Variants in CNTNAP2 observed in about 807,000 individuals in gnomAD.
CNTNAP2 encodes contactin-associated protein-like 2.
Under a neutral mutation model 155.2 loss-of-function variants are expected in CNTNAP2, and 98 were observed. That is an observed-to-expected ratio of 0.63 (90% CI 0.54 to 0.75). CNTNAP2 has a LOEUF of 0.75. Ranked by LOEUF, CNTNAP2 falls within the 30% of genes least tolerant of loss-of-function variation. The pLI is 0.00. For missense variants in CNTNAP2, 1,727 were observed against 1,688.1 expected (o/e 1.02, Z -0.40); for synonymous variants, 651 against 631.2 (o/e 1.03, Z -0.47).
chr7:147,824,835 C>CT (rs1798422610), intron 13 of CNTNAP2, among the ~76,000 whole-genome samples: 1 of 151,986 alleles, frequency 6.6e-6, no homozygotes, highest in South Asian at 2.1e-4. Flanking sequence ...GAGTAGTTGT[C>CT]TGGGGGACAC....
At chr7:148,316,927 A>T (rs1797700191) in intron 21 of CNTNAP2, among the ~76,000 whole-genome samples, 1 of 152,250 alleles carries the variant, frequency 6.6e-6, no homozygotes, top group African/African-American at 2.4e-5. Context: ...TATCTGGAAT[A>T]GTTCAGCCTC....
intron 1 of CNTNAP2, among the ~76,000 whole-genome samples, chr7:146,484,998 A>G (rs1797033017): frequency 6.6e-6 from 1 of 151,476 alleles, no homozygotes; most frequent in Non-Finnish European, 1.5e-5. Flanking sequence ...ATAGCATTAT[A>G]ATAATGTGTG....
Position 147,153,920 on chromosome 7 carries a change from A to G in CNTNAP2, c.1348+21411A>G, listed in dbSNP as rs181170491. On this transcript the variant is annotated intron_variant, in intron 8 of 23. Coordinates refer to ENST00000361727, the MANE Select transcript of CNTNAP2 (RefSeq NM_014141.6). ...TAGAAGAAGAGTTGAAGTGCTGAGA[A>G]GTGGTTGGATTTGGAGTATAAGTTG... Among the ~76,000 whole-genome samples, 237 of 152,256 alleles carry G rather than the reference A, an allele frequency of 1.6e-3. 3 individuals are homozygous for G. The highest frequency in any genetic ancestry group is 0.013 in the South Asian group (61 of 4,828).
chr7:148,133,836 A>G (rs1804882878), intron 16 of CNTNAP2: 1 of 152,166 alleles, frequency 6.6e-6, no homozygotes, highest in Non-Finnish European at 1.5e-5. Flanking sequence ...TGACACCAAA[A>G]AGGAGTAAAC....
At chr7:146,933,097 C>A (rs1322916903) in intron 3 of CNTNAP2, among the ~76,000 whole-genome samples, 1 of 152,042 alleles carries the variant, frequency 6.6e-6, no homozygotes, top group African/African-American at 2.4e-5. Context: ...CTTTAAAGTT[C>A]ATATGGCACC....
intron 1 of CNTNAP2, among the ~76,000 whole-genome samples, chr7:146,167,781 A>G (rs902742975): frequency 1.4e-4 from 22 of 152,172 alleles, no homozygotes; most frequent in African/African-American, 5.1e-4. Flanking sequence ...AGGAGAGTCT[A>G]TTGAATATTG....
Position 148,417,385 on chromosome 7 carries a change from A to G in CNTNAP2, c.*1769A>G, listed in dbSNP as rs1187279794. On this transcript the variant is annotated 3_prime_UTR_variant, in exon 24 of 24. Transcript: ENST00000361727. ...CACATTCCAAAGGAGACATTGGACC[A>G]GTTAATTCCCATACAAGTCAAGGTA... The G allele has an allele frequency of 6.5e-6, 1 of 152,674 alleles. No homozygotes were observed. Among genetic ancestry groups the G allele is most frequent in the African/African-American group, 2.4e-5 (1 of 41,464 alleles). 9.5% of individuals were successfully genotyped at this position (152,674 alleles called of 1,614,324 possible). A position where few individuals can be genotyped will look rare whatever the true frequency, so the allele number is the denominator to read the frequency against.
intron 3 of CNTNAP2, among the ~76,000 whole-genome samples, chr7:146,924,505 G>A (rs2129220883): frequency 6.6e-6 from 1 of 152,210 alleles, no homozygotes; most frequent in East Asian, 1.9e-4. Flanking sequence ...TCAGCAGCCA[G>A]AGTTCACTTT....
At chr7:146,846,117 C>A (rs984977908) in intron 3 of CNTNAP2, among the ~76,000 whole-genome samples, 1 of 152,188 alleles carries the variant, frequency 6.6e-6, no homozygotes, top group Non-Finnish European at 1.5e-5. Context: ...GACAACCATC[C>A]TGTCGCCTGC....
intron 18 of CNTNAP2, among the ~76,000 whole-genome samples, chr7:148,185,916 C>T (rs912963491): frequency 6.6e-6 from 1 of 152,200 alleles, no homozygotes; most frequent in African/African-American, 2.4e-5. Flanking sequence ...TCTTCTGTGG[C>T]CTCATACAAC....
chr7:147,114,534 T>C lies in CNTNAP2; in HGVS notation c.754+6184T>C, dbSNP rs1055511332. ...ATATATTTATGATAGTTAACTCTTC[T>C]TGTTGAATTTAGCCTTTTACCATTA... is the stretch of plus-strand genomic sequence containing the variant. On this transcript the variant is annotated intron_variant, in intron 5 of 23. Transcript: ENST00000361727. Among the ~76,000 whole-genome samples, 107 of 152,370 alleles carry C rather than the reference T, an allele frequency of 7.0e-4. 1 individual carries two copies. Among genetic ancestry groups the C allele is most frequent in the African/African-American group, 2.5e-3 (103 of 41,596 alleles).
chr7:146,475,845 G>A (rs1796869290), intron 1 of CNTNAP2, among the ~76,000 whole-genome samples: 1 of 152,116 alleles, frequency 6.6e-6, no homozygotes, highest in African/African-American at 2.4e-5. Flanking sequence ...TGGAGCTAAT[G>A]ATGTTGTCAC....
intron 1 of CNTNAP2, among the ~76,000 whole-genome samples, chr7:146,490,591 A>T (rs1797124116): frequency 6.6e-6 from 1 of 152,236 alleles, no homozygotes; most frequent in South Asian, 2.1e-4. Context: ...TTATTTATGG[A>T]GTACCTGCTA....
At chr7:148,058,941 C>A (rs1297628423) in intron 15 of CNTNAP2, among the ~76,000 whole-genome samples, 1 of 151,998 alleles carries the variant, frequency 6.6e-6, no homozygotes, top group African/African-American at 2.4e-5. Flanking sequence ...TGTTCTGTTT[C>A]TTGATGTGGA....
At chr7:146,978,031 A>T (rs1209886626) in intron 3 of CNTNAP2, among the ~76,000 whole-genome samples, 1 of 152,214 alleles carries the variant, frequency 6.6e-6, no homozygotes, top group Non-Finnish European at 1.5e-5. Context: ...GCAGTGAAGC[A>T]AAAAGCACAT....
chr7:146,721,017 A>ATCTAT (rs1801285925), intron 1 of CNTNAP2, among the ~76,000 whole-genome samples: 1 of 107,710 alleles, frequency 9.3e-6, no homozygotes, highest in African/African-American at 7.6e-5. Context: ...TATATACTCT[A>ATCTAT]TATATTATAT....
chr7:146,613,384 C>T (rs1476067518), intron 1 of CNTNAP2, among the ~76,000 whole-genome samples: 1 of 152,110 alleles, frequency 6.6e-6, no homozygotes, highest in Non-Finnish European at 1.5e-5. Context: ...ATGATTTATT[C>T]ATCATACATA....
chr7:148,319,980 C>A (rs1389508291), intron 21 of CNTNAP2, among the ~76,000 whole-genome samples: 1 of 152,096 alleles, frequency 6.6e-6, no homozygotes, highest in Admixed American at 6.6e-5. Flanking sequence ...GTCCCTGGTG[C>A]CAAAAAGATT....
In CNTNAP2 at chr7:147,562,167, A is replaced by G; in HGVS notation, c.1807A>G (p.Lys603Glu). 1 of 1,614,058 alleles carries G rather than the reference A, an allele frequency of 6.2e-7. No individual in the cohort carries two copies. Among genetic ancestry groups the G allele is most frequent in the Non-Finnish European group, 8.5e-7 (1 of 1,179,918 alleles). ...CTACGAGCCTTCCTGTGAAGCCTACAAACACCTAGGACAGACATCAAATTA... is the reference window on the plus strand; with the variant it reads ...CTACGAGCCTTCCTGTGAAGCCTACGAACACCTAGGACAGACATCAAATTA... Reference protein sequence around the residue: ...SIYEPSCEAYKHLGQTSNYYW... With the variant: ...SIYEPSCEAYEHLGQTSNYYW... Residue 603 changes from lysine to glutamate, a missense_variant, in exon 12 of 24, where the codon AAA (lysine) becomes GAA (glutamate). Transcript: ENST00000361727.
Sources: gnomAD v4.1 joint callset for allele counts (sites outside exome capture counted in the v4.1 genomes callset) on GRCh38, gnomAD v4.1.1 for gene constraint, MANE v1.5 for transcripts, NCBI Gene and HGNC (gene_info 2026-07-23, HGNC 2026-07-21) for gene names.